The following IL2RB variants were observed in gnomAD, a reference collection of about 807,000 sequenced individuals.
IL2RB encodes the protein interleukin 2 receptor subunit beta.
In IL2RB, 17 loss-of-function variants were observed where a neutral mutation model predicts 44.2. The ratio of observed to expected loss-of-function variants is 0.38; its 90% CI spans 0.26 to 0.58. The LOEUF is 0.58. IL2RB is among the 20% of genes least tolerant of loss of function. The probability of loss-of-function intolerance (pLI) is 0.63; values close to 1 mark genes in which losing one functional copy is unlikely to be tolerated. For missense variants in IL2RB, 624 were observed against 685.5 expected, an observed-to-expected ratio of 0.91 and a Z score of 1.00; for synonymous variants, 286 against 297.9, an observed-to-expected ratio of 0.96 and a Z score of 0.41.
chr22:37,157,039 TC>T (rs1922703283), intron 1 of IL2RB, among the ~76,000 whole-genome samples: 1 of 149,464 alleles, frequency 6.7e-6, no homozygotes, highest in African/African-American at 2.6e-5. Context: ...TGAGTCCTGG[TC>T]CCTGGTCAGG....
At chr22:37,157,636 C>T (rs796888370) in intron 1 of IL2RB, among the ~76,000 whole-genome samples, 5 of 152,330 alleles carry the variant, frequency 3.3e-5, no homozygotes, top group African/African-American at 9.6e-5. Flanking sequence ...ACCCTACTTA[C>T]TCAGACTAAT....
At chr22:37,149,680 G>T in intron 1 of IL2RB, 145 bp downstream of exon 1, 1 of 240,374 alleles carries the variant, frequency 4.2e-6, no homozygotes. Context: ...CTCCCTAGGG[G>T]AATTCTAAGA....
chr22:37,165,531 A>T (rs1301050162), intron 1 of IL2RB, among the ~76,000 whole-genome samples: 1 of 152,172 alleles, frequency 6.6e-6, no homozygotes, highest in Non-Finnish European at 1.5e-5. Context: ...CCCAGCCCTC[A>T]AGGAGCCCAG....
upstream of IL2RB, among the ~76,000 whole-genome samples, chr22:37,150,261 C>T (rs1425236154): frequency 2.0e-5 from 3 of 152,192 alleles, no homozygotes; most frequent in South Asian, 6.2e-4. Flanking sequence ...CGCCTCCATC[C>T]GGTCACACAC....
chr22:37,148,274 C>T (rs1465822727), intron 1 of IL2RB, among the ~76,000 whole-genome samples: 1 of 152,212 alleles, frequency 6.6e-6, no homozygotes, highest in East Asian at 1.9e-4. Flanking sequence ...GAGCGCCTGG[C>T]AGTCACTGAG....
At chr22:37,172,542 G>A (rs1050406583) in intron 1 of IL2RB, among the ~76,000 whole-genome samples, 5 of 152,128 alleles carry the variant, frequency 3.3e-5, no homozygotes, top group Admixed American at 1.3e-4. Context: ...GTGGGCAGTG[G>A]CGAGGGGTCC....
At position 37,125,884 on chromosome 22, in the gene IL2RB, C is replaced by T. The variant is rs1409845662; in HGVS notation, c.*2212G>A. Reference sequence around the variant, plus strand: ...TTGTACAGTTACCTTTTATTTATAGCGAAAATGGGTTTTTTCATTTACAGA... The same window carrying T: ...TTGTACAGTTACCTTTTATTTATAGTGAAAATGGGTTTTTTCATTTACAGA... On this transcript the variant is annotated 3_prime_UTR_variant, in exon 10 of 10. Transcript: ENST00000216223. The T allele has an allele frequency of 1.3e-5, 2 of 151,886 alleles. No individual in the cohort carries two copies. Among genetic ancestry groups the T allele is most frequent in the Non-Finnish European group, 2.9e-5 (2 of 67,988 alleles). 9.4% of individuals were successfully genotyped at this position (151,886 alleles called of 1,614,324 possible).
intron 1 of IL2RB, among the ~76,000 whole-genome samples, chr22:37,156,379 A>C (rs746775701): frequency 4.6e-5 from 7 of 152,202 alleles, no homozygotes; most frequent in South Asian, 2.1e-4. Context: ...AGTGACCTAA[A>C]ATAAGAGAGG....
intron 1 of IL2RB, among the ~76,000 whole-genome samples, chr22:37,172,782 G>A (rs181050268): frequency 5.8e-4 from 88 of 152,284 alleles, no homozygotes; most frequent in African/African-American, 2.0e-3. Flanking sequence ...ACCTGCGATC[G>A]GGAAGACATG....
chr22:37,168,539 T>C lies in IL2RB; in HGVS notation c.-34+6419A>G, dbSNP rs1923155623. 2.0e-5 allele frequency among the ~76,000 whole-genome samples: 3 copies of C among 152,352 alleles called. No individual in the cohort carries two copies. The South Asian group carries it at 6.2e-4, about 32-fold the overall frequency. On this transcript the variant is annotated intron_variant, in intron 1 of 5. Transcript: ENST00000429622. Reference sequence around the variant, plus strand: ...TCCTTTACCTCTCTGAGCCTGTTTCTGCATCTGAAACATGCGACTACTCCC... The same window carrying C: ...TCCTTTACCTCTCTGAGCCTGTTTCCGCATCTGAAACATGCGACTACTCCC...
intron 7 of IL2RB, 135 bp downstream of exon 7, chr22:37,136,093 C>T (rs1487317751): frequency 2.9e-5 from 28 of 965,800 alleles, no homozygotes; most frequent in Non-Finnish European, 3.6e-5. Context: ...AGCGAGCCCC[C>T]TGCAGGGTTA....
chr22:37,143,543 C>T lies in IL2RB; in HGVS notation c.181G>A (p.Val61Ile). 6.2e-7 allele frequency: 1 copy of T among 1,613,636 alleles called. No individual in the cohort carries two copies. Among genetic ancestry groups the T allele is most frequent in the Non-Finnish European group, 8.5e-7 (1 of 1,179,588 alleles). The change falls in exon 3 of 10, where the codon GTC (valine) becomes ATC (isoleucine). Residue 61 changes from valine to isoleucine, a missense_variant. Val to Ile is a conservative substitution (Grantham distance 29). Transcript: ENST00000216223. ...DGALQDTSCQ[V>I]HAWPDRRRWN... ...CACCGTCTGTCCGGCCAGGCATGGA[C>T]TTGGCAGGAAGTGTCCTGCAGAGCC...
At position 37,127,435 on chromosome 22, in the gene IL2RB, T is replaced by A. The variant is rs1921170399; in HGVS notation, c.*661A>T. On this transcript the variant is annotated 3_prime_UTR_variant, in exon 10 of 10. Coordinates refer to ENST00000216223, the MANE Select transcript of IL2RB (RefSeq NM_000878.5). Reference sequence around the variant, plus strand: ...GAGTCAGGGAAGTTTGTCACCTAGATGAGGGGGAGCGCACAGCAGCCCCAG... The same window carrying A: ...GAGTCAGGGAAGTTTGTCACCTAGAAGAGGGGGAGCGCACAGCAGCCCCAG... 1 of 151,930 alleles carries A rather than the reference T, an allele frequency of 6.6e-6. No individual in the cohort carries two copies. Among genetic ancestry groups the A allele is most frequent in the African/African-American group, 2.4e-5 (1 of 41,316 alleles). The allele number at this position is 151,930 out of a possible 1,614,324, so 9.4% of individuals were successfully genotyped here. A position where few individuals can be genotyped will look rare whatever the true frequency, so the allele number is the denominator to read the frequency against.
chr22:37,152,926 CCT>C (rs1922549286), upstream of IL2RB, among the ~76,000 whole-genome samples: 1 of 121,392 alleles, frequency 8.2e-6, no homozygotes, highest in Non-Finnish European at 1.8e-5. Flanking sequence ...CAAGCTGTGG[CCT>C]CTTTTTTTTT....
intron 6 of IL2RB, 91 bp from the exon 7 acceptor site, chr22:37,136,484 C>A (rs1921710926): frequency 7.4e-7 from 1 of 1,348,390 alleles, no homozygotes; most frequent in African/African-American, 1.5e-5. Context: ...CCAACCCCTG[C>A]CAGCTGCACC....
chr22:37,137,420 G>C (rs188292409), intron 6 of IL2RB, among the ~76,000 whole-genome samples, 167 bp downstream of exon 6: 1 of 152,234 alleles, frequency 6.6e-6, no homozygotes, highest in Non-Finnish European at 1.5e-5. Context: ...AGATAAGGAC[G>C]TGGAAGTCGG....
At chr22:37,155,707 C>T (rs1163707941) in intron 1 of IL2RB, among the ~76,000 whole-genome samples, 4 of 152,236 alleles carry the variant, frequency 2.6e-5, no homozygotes, top group African/African-American at 9.6e-5. Context: ...TGACAGAGCC[C>T]ACTCGGGCCT....
upstream of IL2RB, among the ~76,000 whole-genome samples, chr22:37,152,081 G>T (rs1040032008): frequency 6.6e-6 from 1 of 152,134 alleles, no homozygotes; most frequent in Non-Finnish European, 1.5e-5. Flanking sequence ...TAAATTTGAC[G>T]ATTATTTTTT....
chr22:37,128,919 C>A lies in IL2RB; in HGVS notation c.904-71G>T. 2.0e-6 allele frequency: 3 copies of A among 1,500,330 alleles called. No homozygotes were observed. The highest frequency in any genetic ancestry group is 2.7e-5 in the South Asian group (2 of 75,298). The allele number at this position is 1,500,330 out of a possible 1,614,324, so 92.9% of individuals were successfully genotyped here. On this transcript the variant is annotated intron_variant, in intron 9 of 9. Coordinates refer to ENST00000216223, the MANE Select transcript of IL2RB (RefSeq NM_000878.5). This position sits in a 1 kb window ranked among gnomAD's most constrained non-coding sequence, Gnocchi z 4.5. ...CCCTCCACCCCTTCCTCTGGACTCT[C>A]AACAGCTCCTAACTCCTCCTCCTCC...
Sources: allele counts gnomAD v4.1 joint callset (sites outside exome capture counted in the v4.1 genomes callset), GRCh38; gene constraint gnomAD v4.1.1; non-coding constraint Gnocchi (gnomAD v3.1); transcripts MANE v1.5; gene names NCBI Gene and HGNC (gene_info 2026-07-23, HGNC 2026-07-21).